Variants in FLNA observed in about 807,000 individuals in gnomAD.
FLNA encodes filamin-A.
Under a neutral mutation model 157.6 loss-of-function variants are expected in FLNA, and 7 were observed. The observed-to-expected ratio is 0.04, with a 90% CI of 0.03 to 0.08. The LOEUF is 0.08. FLNA is among the 10% of genes least tolerant of loss of function. The pLI, the probability that FLNA is intolerant of heterozygous loss-of-function variation, is 1.00. For missense variants in FLNA, 1,750 were observed against 2,398.4 expected (o/e 0.73, Z 5.65); for synonymous variants, 1,103 against 1,060.8 (o/e 1.04, Z -0.77).
At chrX:154,360,696 AC>A in intron 21 of FLNA, 109 bp from the exon 22 acceptor site, 2 of 726,599 alleles carry the variant, frequency 2.8e-6, no homozygotes, top group South Asian at 4.9e-5. Context: ...CCCTCACCAA[AC>A]AGGGACACGG....
Position 154,359,236 on chromosome X carries a change from ACCT to A in FLNA, c.4303+7_4303+9del, listed in dbSNP as rs782078865. 5.0e-6 allele frequency: 6 copies of A among 1,209,641 alleles called. No individual in the cohort carries two copies. In the African/African-American group the frequency reaches 8.7e-5, roughly 18 times the overall value. On this transcript the variant is annotated splice_region_variant and intron_variant, in intron 25 of 47. Coordinates refer to ENST00000369850, the MANE Select transcript of FLNA (RefSeq NM_001110556.2). Reference sequence around the variant, plus strand: ...CAGTCCCAGCCCTGCCCTGGCCGCCACCTCCTCACCTGGCACTTGATGGCCACC... The same window carrying A: ...CAGTCCCAGCCCTGCCCTGGCCGCCACCTCACCTGGCACTTGATGGCCACC...
In FLNA at chrX:154,371,237, G is replaced by A. The variant is rs1057521892; in HGVS notation, c.9C>T (p.Ser3=). The A allele has an allele frequency of 9.2e-6, 11 of 1,200,711 alleles. No homozygotes were observed. The highest frequency in any genetic ancestry group is 1.1e-5 in the Non-Finnish European group (10 of 891,737). ...CGCTCTGGCCCGCCCGAGAGTGGGA[G>A]CTACTCATTTTGAGGCGCGAGAAGC... MS[S]SHSRAGQSAA... is the part of the protein sequence containing the mutation. Residue 3 remains serine (S), a synonymous_variant, in exon 2 of 48, where the codon AGC becomes AGT. Coordinates refer to ENST00000369850, the MANE Select transcript of FLNA (RefSeq NM_001110556.2).
chrX:154,369,273 C>T (rs1395367929), intron 2 of FLNA, among the ~76,000 whole-genome samples: 1 of 112,355 alleles, frequency 8.9e-6, no homozygotes, highest in East Asian at 2.8e-4. Context: ...GGGAGGGGGA[C>T]TCGGAGAGGA....
In FLNA at chrX:154,361,807, G is replaced by A. The variant is rs1557178101; in HGVS notation, c.2827-20C>T. 1 of 1,155,097 alleles carries A rather than the reference G, an allele frequency of 8.7e-7. No individual in the cohort carries two copies. Among genetic ancestry groups the A allele is most frequent in the Non-Finnish European group, 1.2e-6 (1 of 844,758 alleles). On this transcript the variant is annotated intron_variant, in intron 19 of 47. Coordinates refer to ENST00000369850, the MANE Select transcript of FLNA (RefSeq NM_001110556.2). ...TGGACCCTGGGAAGGGTGCAGAAGG[G>A]AAGGGGGTATTTAGAGACACCAGAA... is the stretch of plus-strand genomic sequence containing the variant.
Position 154,348,824 on chromosome X carries a change from C to T in FLNA, c.*25G>A, listed in dbSNP as rs201510673. On this transcript the variant is annotated 3_prime_UTR_variant, in exon 48 of 48. Coordinates refer to ENST00000369850, the MANE Select transcript of FLNA (RefSeq NM_001110556.2). The stretch of plus-strand genomic sequence containing the variant: ...TTGGGTAGCGGGGCAGGCTTGGGGG[C>T]TGCCGGCTGGCACGGGCCCCAGACT... The T allele has an allele frequency of 1.7e-5, 20 of 1,180,754 alleles. 1 individual carries two copies. In the Admixed American group the frequency reaches 3.6e-4, roughly 21 times the overall value.
In FLNA at chrX:154,354,075, C is replaced by A. The variant is rs782618417; in HGVS notation, c.5558-32G>T. 4.1e-6 allele frequency: 5 copies of A among 1,211,909 alleles called. No homozygotes were observed. The Admixed American group carries it at 1.1e-4, about 26-fold the overall frequency. ...CAGGAAGAAGGGCCTTGTGGAATGG[C>A]AGCCTCGTGTGTCCCCCAGCCCCAT... On this transcript the variant is annotated intron_variant, in intron 34 of 47. Transcript: ENST00000369850.
At chrX:154,351,220 C>T in intron 43 of FLNA, 179 bp from the exon 44 acceptor site, 1 of 504,951 alleles carries the variant, frequency 2.0e-6, no homozygotes, top group Non-Finnish European at 3.4e-6. Flanking sequence ...ACATCCCCGC[C>T]CCTGCCCCCA....
At chrX:154,368,930 T>A (rs1302300010) in intron 2 of FLNA, among the ~76,000 whole-genome samples, 3 of 112,646 alleles carry the variant, frequency 2.7e-5, no homozygotes, top group Non-Finnish European at 5.6e-5. Context: ...ACAGGGGAAG[T>A]GGTTAGGGCG....
chrX:154,349,996 T>A, intron 45 of FLNA, 35 bp downstream of exon 45: 1 of 1,205,385 alleles, frequency 8.3e-7, no homozygotes, highest in Non-Finnish European at 1.1e-6. Context: ...GCCTAGCAGC[T>A]GTGTGCACAC....
Position 154,362,017 on chromosome X carries a change from C to T in FLNA, c.2788G>A (p.Asp930Asn), listed in dbSNP as rs2067715380. 5.8e-6 allele frequency: 7 copies of T among 1,209,891 alleles called. No homozygotes were observed. Among genetic ancestry groups the T allele is most frequent in the Non-Finnish European group, 7.8e-6 (7 of 894,720 alleles). The change falls in exon 19 of 48, where the codon GAC (aspartate) becomes AAC (asparagine). Residue 930 changes from aspartate (D) to asparagine (N), a missense_variant. By Grantham distance (23) the Asp-to-Asn change is conservative. Transcript: ENST00000369850. Reference sequence around the variant, plus strand: ...GTGTACTTGACTGTGTAGGTGTTGTCATGGTGGTCGATGATGTCCACATCT... The same window carrying T: ...GTGTACTTGACTGTGTAGGTGTTGTTATGGTGGTCGATGATGTCCACATCT... ...VRDVDIIDHH[D>N]NTYTVKYTPV...
intron 30 of FLNA, among the ~76,000 whole-genome samples, chrX:154,356,013 A>G (rs1401485117): frequency 8.9e-6 from 1 of 112,466 alleles, no homozygotes; most frequent in East Asian, 2.8e-4. Flanking sequence ...CTGCTGCACT[A>G]GGCTCCATGC....
At chrX:154,351,218 G>A (rs1245266931) in intron 43 of FLNA, 177 bp from the exon 44 acceptor site, 5 of 502,998 alleles carry the variant, frequency 9.9e-6, no homozygotes, top group East Asian at 3.7e-5. Flanking sequence ...GCACATCCCC[G>A]CCCCTGCCCC....
Position 154,364,684 on chromosome X carries a change from C to G in FLNA, c.1864G>C (p.Glu622Gln). Residue 622 changes from glutamate (E) to glutamine (Q), a missense_variant, in exon 13 of 48, where the codon GAA becomes CAA. Transcript: ENST00000369850. ...GAGCCGTCGCCCTTGTCGTCACATT[C>G]GATCTTAGCCTGCGATGGCCCTTCC... ...SVEGPSQAKI[E>Q]CDDKGDGSCD... The G allele has an allele frequency of 2.5e-6, 3 of 1,210,877 alleles. No homozygotes were observed. Among genetic ancestry groups the G allele is most frequent in the Non-Finnish European group, 1.1e-6 (1 of 895,370 alleles).
Position 154,349,644 on chromosome X carries a change from C to T in FLNA, c.7552+5G>A. The T allele has an allele frequency of 8.3e-7, 1 of 1,211,827 alleles. No individual in the cohort carries two copies. The highest frequency in any genetic ancestry group is 1.1e-6 in the Non-Finnish European group (1 of 895,215). ...CAGATGCCAATAGCTTGGCCCCAGGCTCACCTGTGACTTTGGCCTTGAAGG... is the reference window on the plus strand; with the variant it reads ...CAGATGCCAATAGCTTGGCCCCAGGTTCACCTGTGACTTTGGCCTTGAAGG... On this transcript the variant is annotated splice_donor_5th_base_variant and intron_variant, in intron 46 of 47. Coordinates refer to ENST00000369850, the MANE Select transcript of FLNA (RefSeq NM_001110556.2).
rs1557176595 is a variant in FLNA, at chrX:154,354,870, C to G, written c.5172G>C (p.Val1724=). 3 of 1,212,061 alleles carry G rather than the reference C, an allele frequency of 2.5e-6. No homozygotes were observed. The highest frequency in any genetic ancestry group is 3.3e-6 in the Non-Finnish European group (3 of 895,648). ...APQPGKYVIC[V]RFGGEHVPNS... The stretch of plus-strand genomic sequence containing the variant: ...TGGGCACGTGCTCGCCACCAAAGCG[C>G]ACACAGATGACGTATTTGCCCGGCT... Residue 1724 remains valine (V), a synonymous_variant, in exon 31 of 48, where the codon GTG becomes GTC. Transcript: ENST00000369850.
At position 154,361,371 on chromosome X, in the gene FLNA, G is replaced by A. The variant is rs782759078; in HGVS notation, c.3144C>T (p.Asp1048=). Residue 1048 remains aspartate (D), a synonymous_variant, in exon 21 of 48, where the codon GAC becomes GAT. Transcript: ENST00000369850. ...EGPYEVEVTY[D]GVPVPGSPFP... The stretch of plus-strand genomic sequence containing the variant: ...AGGGGCTGCCAGGCACGGGCACGCC[G>A]TCATAGGTCACCTCCACCTCATAGG... The A allele has an allele frequency of 2.7e-5, 33 of 1,208,007 alleles. No individual in the cohort carries two copies. The highest frequency in any genetic ancestry group is 1.1e-4 in the African/African-American group (6 of 56,796).
rs864622713 is a variant in FLNA, at chrX:154,351,006, A to C, written c.7059T>G (p.Phe2353Leu). Residue 2353 changes from phenylalanine to leucine, a missense_variant, in exon 44 of 48, where the codon TTT becomes TTG. This residue lies in a region of FLNA where 970 missense variants were observed against 1,302.6 expected (regional missense o/e 0.74). Transcript: ENST00000369850. ...SGLKVNQPAS[F>L]AVSLNGAKGA... ...CCTTGGCCCCGTTCAGGCTGACTGCAAAAGAGGCTGGCTGGTTGACCTTTA... is the reference window on the plus strand; with the variant it reads ...CCTTGGCCCCGTTCAGGCTGACTGCCAAAGAGGCTGGCTGGTTGACCTTTA... 8.3e-6 allele frequency: 10 copies of C among 1,210,165 alleles called. No individual in the cohort carries two copies. The highest frequency in any genetic ancestry group is 1.7e-5 in the African/African-American group (1 of 57,355).
At chrX:154,361,058 A>AAAAAAAAAC (rs2067703955) in intron 21 of FLNA, among the ~76,000 whole-genome samples, 9 of 84,093 alleles carry the variant, frequency 1.1e-4, no homozygotes, top group African/African-American at 4.5e-4. Flanking sequence ...AAAAAAAAAA[A>AAAAAAAAAC]AAAAAAAAAA....
chrX:154,352,272 G>T lies in FLNA; in HGVS notation c.6678C>A (p.Phe2226Leu). The change falls in exon 41 of 48, where the codon TTC (phenylalanine) becomes TTA (leucine). Residue 2226 changes from phenylalanine (F) to leucine (L), a missense_variant. Phe to Leu is a conservative substitution (Grantham distance 22). Around this residue, in one of 5 missense-constraint regions of FLNA, gnomAD observed 970 missense variants for 1,302.6 expected, o/e 0.74. Transcript: ENST00000369850. ...YKGQHVPGSP[F>L]QFTVGPLGEG... Reference sequence around the variant, plus strand: ...CCCCTAGGGGCCCCACGGTGAACTGGAAGGGGCTCCCAGGCACGTGCTGGC... The same window carrying T: ...CCCCTAGGGGCCCCACGGTGAACTGTAAGGGGCTCCCAGGCACGTGCTGGC... 1 of 1,211,987 alleles carries T rather than the reference G, an allele frequency of 8.3e-7. No individual in the cohort carries two copies. The highest frequency in any genetic ancestry group is 1.1e-6 in the Non-Finnish European group (1 of 895,583).
Sources: allele counts gnomAD v4.1 joint callset (sites outside exome capture counted in the v4.1 genomes callset), GRCh38; gene constraint gnomAD v4.1.1; regional missense constraint gnomAD v4.1.1; transcripts MANE v1.5; gene names NCBI Gene and HGNC (gene_info 2026-07-23, HGNC 2026-07-21).